Variants in CCDC149 observed in about 807,000 individuals in gnomAD.
CCDC149 encodes the protein coiled-coil domain containing 149.
Under a neutral mutation model 59.9 loss-of-function variants are expected in CCDC149, and 45 were observed. That is an observed-to-expected ratio of 0.75 (90% confidence interval 0.59 to 0.96). CCDC149 has a LOEUF of 0.96. Ranked by LOEUF, CCDC149 falls within the 40% of genes least tolerant of loss-of-function variation. CCDC149 has a pLI of 0.00. For synonymous variants in CCDC149, 245 were observed against 260.6 expected (o/e 0.94, Z 0.58); for missense variants, 584 against 664.7 (o/e 0.88, Z 1.33).
In CCDC149 at chr4:24,836,520, T is replaced by C; in HGVS notation, c.663-12A>G. 6.3e-7 allele frequency: 1 copy of C among 1,575,122 alleles called. No homozygotes were observed. Among genetic ancestry groups the C allele is most frequent in the Non-Finnish European group, 8.7e-7 (1 of 1,145,788 alleles). ...TCTCTTGAAGGTACCTGAAAAAGAA[T>C]ACATAAAACTAGGAGGTGTTTAAGG... On this transcript the variant is annotated splice_polypyrimidine_tract_variant and intron_variant, in intron 6 of 12. Coordinates refer to ENST00000635206, the MANE Select transcript of CCDC149 (RefSeq NM_001330643.2).
At chr4:24,891,342 T>C (rs1720520492) in intron 1 of CCDC149, among the ~76,000 whole-genome samples, 1 of 152,200 alleles carries the variant, frequency 6.6e-6, no homozygotes, top group Non-Finnish European at 1.5e-5. Flanking sequence ...TCTGTTTCTC[T>C]GGCTGATAAC....
intron 1 of CCDC149, among the ~76,000 whole-genome samples, chr4:24,924,780 G>A (rs1722389499): frequency 1.3e-5 from 2 of 152,032 alleles, no homozygotes; most frequent in African/African-American, 4.8e-5. Context: ...TTATTTTTTG[G>A]TTATGAGTGA....
chr4:24,908,674 T>C (rs779818009), intron 1 of CCDC149, among the ~76,000 whole-genome samples: 1 of 152,198 alleles, frequency 6.6e-6, no homozygotes, highest in Non-Finnish European at 1.5e-5. Flanking sequence ...TACTCCAGCA[T>C]GGGCAACAGA....
intron 4 of CCDC149, among the ~76,000 whole-genome samples, chr4:24,841,776 C>A (rs1716952484): frequency 6.6e-6 from 1 of 152,178 alleles, no homozygotes; most frequent in Non-Finnish European, 1.5e-5. Flanking sequence ...CAGTATCCTT[C>A]TCTGCAAAAA....
chr4:24,912,947 CGGGCCCCGCGCGGCCCCGAGA>C lies in CCDC149; in HGVS notation c.-89_-69del. ...GCGACGTCGCGTCGCCGCCGCCGCC[CGGGCCCCGCGCGGCCCCGAGA>C]GGGCCCGGCGCCTCCGAGCCGCTGC... On this transcript the variant is annotated 5_prime_UTR_variant, in exon 1 of 13. Coordinates refer to ENST00000635206, the MANE Select transcript of CCDC149 (RefSeq NM_001330643.2). The C allele has an allele frequency of 2.1e-6, 2 of 950,830 alleles. No homozygotes were observed. Among genetic ancestry groups the C allele is most frequent in the Non-Finnish European group, 2.7e-6 (2 of 741,760 alleles). 58.9% of individuals were successfully genotyped at this position (950,830 alleles called of 1,614,324 possible).
At chr4:24,913,505 G>A (rs184759652), upstream of CCDC149, among the ~76,000 whole-genome samples, 590 of 152,346 alleles carry the variant, frequency 3.9e-3, 4 homozygotes, top group African/African-American at 0.014. Context: ...TAAACTATTA[G>A]TGCTTGCTTA....
At chr4:24,893,008 C>T (rs1720615419) in intron 1 of CCDC149, among the ~76,000 whole-genome samples, 1 of 152,184 alleles carries the variant, frequency 6.6e-6, no homozygotes, top group African/African-American at 2.4e-5. Context: ...CATTAACAAA[C>T]CTACTACCAT....
At chr4:24,964,324 C>A (rs1009332878) in intron 1 of CCDC149, among the ~76,000 whole-genome samples, 2 of 151,744 alleles carry the variant, frequency 1.3e-5, no homozygotes, top group Non-Finnish European at 2.9e-5. Context: ...AACCTAGGAA[C>A]AGAATTTACC....
chr4:24,876,965 A>G (rs1719481327), intron 1 of CCDC149, among the ~76,000 whole-genome samples: 1 of 152,234 alleles, frequency 6.6e-6, no homozygotes, highest in Admixed American at 6.5e-5. Flanking sequence ...GTAAACAGGT[A>G]GACAGCTGGA....
At chr4:24,845,686 C>T (rs1357719201) in intron 4 of CCDC149, among the ~76,000 whole-genome samples, 1 of 152,182 alleles carries the variant, frequency 6.6e-6, no homozygotes, top group African/African-American at 2.4e-5. Context: ...TTGCTGTTAG[C>T]CCTAGACCAG....
intron 1 of CCDC149, among the ~76,000 whole-genome samples, chr4:24,888,105 G>A (rs930290539): frequency 3.9e-5 from 6 of 151,954 alleles, no homozygotes; most frequent in Admixed American, 1.3e-4. Flanking sequence ...ACCCTGTATC[G>A]CAGCACCTGC....
chr4:24,841,530 T>C (rs1716936703), intron 4 of CCDC149, among the ~76,000 whole-genome samples: 1 of 152,226 alleles, frequency 6.6e-6, no homozygotes, highest in Admixed American at 6.5e-5. Flanking sequence ...TTTTTAAAAG[T>C]GAGGCCCAAG....
intron 1 of CCDC149, among the ~76,000 whole-genome samples, chr4:24,932,390 C>T (rs1416342697): frequency 6.6e-6 from 1 of 152,060 alleles, no homozygotes; most frequent in African/African-American, 2.4e-5. Flanking sequence ...GAGGTCTTCA[C>T]AGAAGATAGA....
At chr4:24,977,133 G>A (rs1450818635) in intron 1 of CCDC149, among the ~76,000 whole-genome samples, 2 of 152,174 alleles carry the variant, frequency 1.3e-5, no homozygotes, top group African/African-American at 4.8e-5. Context: ...TTTCATGGTT[G>A]CTGGGGTGGA....
intron 1 of CCDC149, among the ~76,000 whole-genome samples, chr4:24,970,013 GC>G (rs1002731612): frequency 1.3e-5 from 2 of 152,166 alleles, no homozygotes; most frequent in African/African-American, 4.8e-5. Context: ...CATGACTTTG[GC>G]ACAGATACAG....
chr4:24,972,570 A>AG lies in CCDC149; in HGVS notation c.-65+7498_-65+7499insC, dbSNP rs112212732. On this transcript the variant is annotated intron_variant, in intron 1 of 12. Coordinates refer to the CCDC149 transcript ENST00000389609. The stretch of plus-strand genomic sequence containing the variant: ...CAAGCCGCTCCCCTCGGCCTCCCAA[A>AG]TGCTAGAATTACAGACACGAGCCAC... Among the ~76,000 whole-genome samples, 810 of 152,020 alleles carry AG rather than the reference A, an allele frequency of 5.3e-3. 10 individuals are homozygous for AG. Among genetic ancestry groups the AG allele is most frequent in the African/African-American group, 0.018 (740 of 41,458 alleles).
chr4:24,891,408 T>C (rs562385249), intron 1 of CCDC149, among the ~76,000 whole-genome samples: 2 of 152,338 alleles, frequency 1.3e-5, no homozygotes, highest in African/African-American at 4.8e-5. Flanking sequence ...AAATTAATTA[T>C]GGCTTTCTGG....
At chr4:24,874,455 G>C (rs1395700895) in intron 2 of CCDC149, among the ~76,000 whole-genome samples, 1 of 151,828 alleles carries the variant, frequency 6.6e-6, no homozygotes, top group Non-Finnish European at 1.5e-5. Context: ...GGCGGCGGGT[G>C]CCTGTAATCC....
chr4:24,823,560 A>C (rs1238965832), intron 9 of CCDC149, among the ~76,000 whole-genome samples: 1 of 152,208 alleles, frequency 6.6e-6, no homozygotes, highest in African/African-American at 2.4e-5. Flanking sequence ...GCAAAGTTTC[A>C]ATTCCTTTCA....
Sources: gnomAD v4.1 joint callset for allele counts (sites outside exome capture counted in the v4.1 genomes callset) on GRCh38, gnomAD v4.1.1 for gene constraint, MANE v1.5 for transcripts, NCBI Gene and HGNC (gene_info 2026-07-23, HGNC 2026-07-21) for gene names.